Variants in ATP8A2 observed in about 807,000 individuals in gnomAD.
ATP8A2 encodes the protein phospholipid-transporting ATPase IB.
In ATP8A2, 100 loss-of-function variants were observed where a neutral mutation model predicts 165.6. The observed-to-expected ratio is 0.60, with a 90% confidence interval of 0.51 to 0.71. The LOEUF (loss-of-function observed/expected upper bound fraction) is 0.71, where lower values mean the gene tolerates loss of function less well. Ranked by LOEUF, ATP8A2 falls within the 30% of genes least tolerant of loss-of-function variation. The pLI, the probability that ATP8A2 is intolerant of heterozygous loss-of-function variation, is 0.00. For synonymous variants in ATP8A2, 543 were observed against 548.8 expected, an observed-to-expected ratio of 0.99 and a Z score of 0.15; for missense variants, 1,227 against 1,479.5, an observed-to-expected ratio of 0.83 and a Z score of 2.80.
intron 27 of ATP8A2, among the ~76,000 whole-genome samples, chr13:25,803,800 G>T (rs1950671623): frequency 1.3e-5 from 2 of 152,254 alleles, no homozygotes; most frequent in Admixed American, 1.3e-4. Context: ...CCTGTAGCTA[G>T]AAGTGGTGCT....
In ATP8A2 at chr13:25,750,495, C is replaced by A. The variant is rs1490650366; in HGVS notation, c.2385-18551C>A. Among the ~76,000 whole-genome samples, 1 of 152,158 alleles carries A rather than the reference C, an allele frequency of 6.6e-6. No individual in the cohort carries two copies. Among genetic ancestry groups the A allele is most frequent in the Admixed American group, 6.6e-5 (1 of 15,264 alleles). On this transcript the variant is annotated intron_variant, in intron 25 of 36. Coordinates refer to ENST00000381655, the MANE Select transcript of ATP8A2 (RefSeq NM_016529.6). This position sits in a 1 kb window ranked among gnomAD's most constrained non-coding sequence, Gnocchi z 4.3. ...TCCCCCCGATTCTGACTCCCACCTG[C>A]TTCCATGTTGCTCTGCCCGGCTCCC... is the stretch of plus-strand genomic sequence containing the variant.
intron 24 of ATP8A2, among the ~76,000 whole-genome samples, chr13:25,593,212 G>T (rs1355916949): frequency 6.6e-6 from 1 of 152,204 alleles, no homozygotes; most frequent in African/African-American, 2.4e-5. Context: ...TAAGTCTCAG[G>T]GCTCCAATAA....
At position 25,418,260 on chromosome 13, in the gene ATP8A2, TGGAACTA is replaced by T. The variant is rs146336918; in HGVS notation, c.76+45977_76+45983del. On this transcript the variant is annotated intron_variant, in intron 1 of 36. Transcript: ENST00000381655. ...CGTAATAATGCCCTTAACATTTGCA[TGGAACTA>T]GGAAAGGCTCTATGTTAAAGCAGCA... Among the ~76,000 whole-genome samples, 705 of 152,314 alleles carry T rather than the reference TGGAACTA, an allele frequency of 4.6e-3. 25 individuals carry two copies. In the East Asian group the frequency reaches 0.085, roughly 18 times the overall value.
At chr13:25,455,082 G>A (rs1044024885) in intron 1 of ATP8A2, among the ~76,000 whole-genome samples, 3 of 152,196 alleles carry the variant, frequency 2.0e-5, no homozygotes, top group African/African-American at 4.8e-5. Context: ...ATGGAGTTCC[G>A]TTTCAGAGGG....
intron 24 of ATP8A2, among the ~76,000 whole-genome samples, chr13:25,590,510 C>T (rs747651079): frequency 5.3e-5 from 8 of 152,174 alleles, no homozygotes; most frequent in Non-Finnish European, 1.2e-4. Context: ...TGAACCCACC[C>T]CATCATGGCA....
At chr13:25,395,814 G>T (rs956553358) in intron 1 of ATP8A2, among the ~76,000 whole-genome samples, 10 of 151,982 alleles carry the variant, frequency 6.6e-5, no homozygotes, top group Admixed American at 4.6e-4. Context: ...TAGAATTACA[G>T]GCACGAGCCA....
chr13:25,789,613 G>A (rs1394143940), intron 27 of ATP8A2, among the ~76,000 whole-genome samples: 2 of 152,218 alleles, frequency 1.3e-5, no homozygotes, highest in Non-Finnish European at 2.9e-5. Context: ...AACATTCCAT[G>A]TTCATGGATA....
At chr13:25,468,430 C>T (rs1363699629) in intron 1 of ATP8A2, among the ~76,000 whole-genome samples, 4 of 152,316 alleles carry the variant, frequency 2.6e-5, no homozygotes, top group African/African-American at 9.6e-5. Flanking sequence ...TTTTTAGCGT[C>T]CAGAGGTGTG....
At chr13:25,869,633 A>G (rs1352442979) in intron 33 of ATP8A2, among the ~76,000 whole-genome samples, 2 of 152,244 alleles carry the variant, frequency 1.3e-5, no homozygotes, top group East Asian at 3.9e-4. Context: ...AAGGAAAATA[A>G]GACATGTCAG....
At chr13:25,579,378 G>A (rs889810248) in intron 21 of ATP8A2, among the ~76,000 whole-genome samples, 1 of 152,176 alleles carries the variant, frequency 6.6e-6, no homozygotes, top group South Asian at 2.1e-4. Flanking sequence ...CTGGCTCTGC[G>A]TGCATGCACA....
intron 2 of ATP8A2, among the ~76,000 whole-genome samples, chr13:25,502,860 C>T (rs7337541): frequency 0.45 from 68,004 of 151,856 alleles, 16,472 homozygotes; most frequent in Non-Finnish European, 0.55. Context: ...CTAGTACAAT[C>T]GTGTGTAGGT....
chr13:25,916,306 G>A (rs963393108), intron 33 of ATP8A2, among the ~76,000 whole-genome samples: 2 of 152,194 alleles, frequency 1.3e-5, no homozygotes, highest in African/African-American at 4.8e-5. Context: ...CCACAAGGCC[G>A]TGGGCACAGC....
intron 1 of ATP8A2, among the ~76,000 whole-genome samples, chr13:25,437,996 T>C (rs1436951375): frequency 6.6e-6 from 1 of 152,234 alleles, no homozygotes; most frequent in Non-Finnish European, 1.5e-5. Flanking sequence ...AACAACCCTT[T>C]CCCTTTTAGT....
chr13:25,834,981 A>G (rs1951568095), intron 28 of ATP8A2, among the ~76,000 whole-genome samples: 1 of 73,912 alleles, frequency 1.4e-5, no homozygotes, highest in Non-Finnish European at 2.9e-5. Flanking sequence ...TATGATCCCT[A>G]ACGTGTGTGT....
chr13:25,478,349 CTACTACT>C (rs957606992), intron 2 of ATP8A2, among the ~76,000 whole-genome samples: 36 of 151,984 alleles, frequency 2.4e-4, no homozygotes, highest in African/African-American at 8.4e-4. Flanking sequence ...AGTGTTTGTT[CTACTACT>C]TATAGCTGAG....
intron 35 of ATP8A2, among the ~76,000 whole-genome samples, chr13:25,996,814 G>T (rs1392905929): frequency 1.3e-5 from 2 of 152,234 alleles, no homozygotes; most frequent in Non-Finnish European, 2.9e-5. Context: ...CTCCCAAGTA[G>T]CTGGGATTAT....
At chr13:25,659,780 G>A (rs1007441447) in intron 24 of ATP8A2, among the ~76,000 whole-genome samples, 1 of 152,124 alleles carries the variant, frequency 6.6e-6, no homozygotes, top group Non-Finnish European at 1.5e-5. Context: ...GCTTTCCCTT[G>A]CCAGCTTTGT....
chr13:25,893,494 A>G (rs1386223459), intron 33 of ATP8A2, among the ~76,000 whole-genome samples: 5 of 152,134 alleles, frequency 3.3e-5, no homozygotes, highest in African/African-American at 1.2e-4. Context: ...TATTGTGAAT[A>G]GTGCCACAAT....
At chr13:25,691,221 AG>A (rs2042717594) in intron 24 of ATP8A2, among the ~76,000 whole-genome samples, 2 of 152,164 alleles carry the variant, frequency 1.3e-5, no homozygotes, top group African/African-American at 4.8e-5. Context: ...GCATGGAAGG[AG>A]GGAACTTTGG....
Sources: allele counts gnomAD v4.1 joint callset (sites outside exome capture counted in the v4.1 genomes callset), GRCh38; gene constraint gnomAD v4.1.1; non-coding constraint Gnocchi (gnomAD v3.1); transcripts MANE v1.5; gene names NCBI Gene and HGNC (gene_info 2026-07-23, HGNC 2026-07-21).